Variants in KPNB1 observed in about 807,000 individuals in gnomAD.
The protein encoded by KPNB1 is karyopherin subunit beta 1, also known as importin subunit beta-1.
A neutral mutation model predicts 113.0 loss-of-function variants in KPNB1; 7 were observed. The observed-to-expected ratio is 0.06, with a 90% CI of 0.04 to 0.12. The LOEUF is 0.12. Ranked by LOEUF, KPNB1 falls within the 10% of genes least tolerant of loss-of-function variation. The pLI is 1.00. For synonymous variants in KPNB1, 363 were observed against 378.6 expected (o/e 0.96, Z 0.48); for missense variants, 400 against 1,054.8 (o/e 0.38, Z 8.60).
At chr17:47,664,909 T>C (rs1338176038) in intron 8 of KPNB1, 148 bp from the exon 9 acceptor site, 2 of 642,632 alleles carry the variant, frequency 3.1e-6, no homozygotes. Flanking sequence ...ACCAAAAAAT[T>C]AGCACTTTCC....
chr17:47,682,109 T>A (rs1470793013), intron 21 of KPNB1, among the ~76,000 whole-genome samples: 1 of 152,214 alleles, frequency 6.6e-6, no homozygotes, highest in Non-Finnish European at 1.5e-5. Flanking sequence ...GATTAAAGGC[T>A]TGAGCCACTG....
rs1383422025 is a variant in KPNB1 at position 47,682,386 on chromosome 17, T to C, written c.*-18T>C. 8 of 780,930 alleles carry C rather than the reference T, an allele frequency of 1.0e-5. No individual in the cohort carries two copies. The highest frequency in any genetic ancestry group is 2.3e-4 in the Middle Eastern group (1 of 4,432). 48.4% of individuals were successfully genotyped at this position (780,930 alleles called of 1,614,324 possible). ...TATGTGATCTCAAAGATTGACCTTT[T>C]TTTCCATCTGTTTTCAGATCTGTTA... On this transcript the variant is annotated intron_variant, in intron 21 of 21. Transcript: ENST00000290158.
intron 12 of KPNB1, 96 bp from the exon 13 acceptor site, chr17:47,672,922 C>T: frequency 8.6e-7 from 1 of 1,163,828 alleles, no homozygotes; most frequent in Admixed American, 2.5e-5. Flanking sequence ...TGCAGACATA[C>T]CGGTTCCTGA....
At chr17:47,677,191 A>C (rs1272098920) in intron 17 of KPNB1, 64 bp downstream of exon 17, 2 of 1,202,050 alleles carry the variant, frequency 1.7e-6, no homozygotes, top group African/African-American at 6.1e-5. Context: ...TTGGAAAGAT[A>C]GTTAAATATC....
intron 20 of KPNB1, among the ~76,000 whole-genome samples, 181 bp from the exon 21 acceptor site, chr17:47,680,327 G>A (rs1029100079): frequency 6.6e-6 from 1 of 152,176 alleles, no homozygotes; most frequent in African/African-American, 2.4e-5. Context: ...CAAGGTGTCT[G>A]TATTACACCC....
In KPNB1 at chr17:47,650,198, G is replaced by T; in HGVS notation, c.-47G>T. On this transcript the variant is annotated 5_prime_UTR_variant, in exon 1 of 22. Coordinates refer to ENST00000290158, the MANE Select transcript of KPNB1 (RefSeq NM_002265.6). ...CCCAGTTCGAGCCGCCGCCCGAAAG[G>T]CCGGGCCGTCGTCTTAGGAGGAGTC... 3 of 1,305,072 alleles carry T rather than the reference G, an allele frequency of 2.3e-6. No individual in the cohort carries two copies. The highest frequency in any genetic ancestry group is 3.0e-6 in the Non-Finnish European group (3 of 1,004,654). 80.8% of individuals were successfully genotyped at this position (1,305,072 alleles called of 1,614,324 possible). A position where few individuals can be genotyped will look rare whatever the true frequency, so the allele number is the denominator to read the frequency against.
Position 47,678,243 on chromosome 17 carries a change from C to T in KPNB1, c.2247+54C>T, listed in dbSNP as rs1257118620. 7 of 1,611,460 alleles carry T rather than the reference C, an allele frequency of 4.3e-6. No individual in the cohort carries two copies. The Admixed American group carries it at 1.0e-4, about 23-fold the overall frequency. ...TTAAGTCTAGCTCTAATTGGAGGGA[C>T]TATTGACAAACATGCAGCTAAAAGT... is the stretch of plus-strand genomic sequence containing the variant. On this transcript the variant is annotated intron_variant, in intron 18 of 21. Transcript: ENST00000290158.
chr17:47,680,393 G>T, intron 20 of KPNB1, 115 bp from the exon 21 acceptor site: 1 of 1,240,900 alleles, frequency 8.1e-7, no homozygotes, highest in Admixed American at 2.2e-5. Context: ...TCTACTGAGG[G>T]TTTTATTTAT....
intron 3 of KPNB1, among the ~76,000 whole-genome samples, chr17:47,656,259 CA>C (rs11343864): frequency 0.52 from 76,449 of 147,832 alleles, 19,869 homozygotes; most frequent in East Asian, 0.66. Flanking sequence ...GACTTTGTCT[CA>C]AAAAAAAAAA....
chr17:47,652,921 A>AT, intron 3 of KPNB1, 45 bp downstream of exon 3: 1 of 1,435,026 alleles, frequency 7.0e-7, no homozygotes, highest in East Asian at 2.4e-5. Context: ...AGAGAACAAG[A>AT]AATCGCTTTC....
intron 3 of KPNB1, among the ~76,000 whole-genome samples, chr17:47,655,391 A>G (rs751686610): frequency 2.0e-5 from 3 of 152,224 alleles, no homozygotes; most frequent in Non-Finnish European, 4.4e-5. Flanking sequence ...TGTCAGTGAT[A>G]GAACAGTTCT....
chr17:47,684,318 A>G lies in KPNB1; in HGVS notation c.*1914A>G, dbSNP rs1217270571. On this transcript the variant is annotated 3_prime_UTR_variant, in exon 22 of 22. Coordinates refer to ENST00000290158, the MANE Select transcript of KPNB1 (RefSeq NM_002265.6). ...ATTGTGCCTTTTGGTGCCAGGTTCA[A>G]AGTCAAGTGCCGATCTATGAACCAG... The G allele has an allele frequency of 6.6e-6, 1 of 151,978 alleles. No individual in the cohort carries two copies. The highest frequency in any genetic ancestry group is 2.4e-5 in the African/African-American group (1 of 41,336). The allele number at this position is 151,978 out of a possible 1,614,324, so 9.4% of individuals were successfully genotyped here.
At position 47,676,464 on chromosome 17, in the gene KPNB1, T is replaced by G. The variant is rs750770895; in HGVS notation, c.1968T>G (p.Ile656Met). The G allele has an allele frequency of 6.2e-7, 1 of 1,613,208 alleles. No homozygotes were observed. Among genetic ancestry groups the G allele is most frequent in the Non-Finnish European group, 8.5e-7 (1 of 1,179,292 alleles). ...YMEAFKPFLG[I>M]GLKNYAEYQV... ...AGGCCTTTAAACCCTTCCTGGGCAT[T>G]GGATTAAAAAATTATGCTGAATACC... The change falls in exon 16 of 22, where the codon ATT (isoleucine) becomes ATG (methionine). Residue 656 changes from isoleucine (I) to methionine (M), a missense_variant. Physicochemically the swap from Ile to Met is conservative, Grantham distance 10. Around this residue, in one of 2 missense-constraint regions of KPNB1, gnomAD observed 115 missense variants for 427.9 expected, o/e 0.27. Coordinates refer to ENST00000290158, the MANE Select transcript of KPNB1 (RefSeq NM_002265.6).
At chr17:47,681,663 C>T (rs1210453294) in intron 21 of KPNB1, among the ~76,000 whole-genome samples, 1 of 149,882 alleles carries the variant, frequency 6.7e-6, no homozygotes, top group East Asian at 1.9e-4. Context: ...CCACCTCAGC[C>T]TCCTAAATTG....
intron 11 of KPNB1, among the ~76,000 whole-genome samples, chr17:47,670,147 G>C (rs180750423): frequency 6.6e-6 from 1 of 152,272 alleles, no homozygotes; most frequent in East Asian, 1.9e-4. Context: ...TTGGGGACAA[G>C]AAGTTTTGAT....
chr17:47,661,236 CTAATA>C, intron 6 of KPNB1, 58 bp downstream of exon 6: 1 of 1,259,836 alleles, frequency 7.9e-7, no homozygotes, highest in South Asian at 1.2e-5. Context: ...AATGTCAAAT[CTAATA>C]TAAGTTTGAA....
Position 47,677,270 on chromosome 17 carries a change from A to G in KPNB1, c.2103+143A>G, listed in dbSNP as rs2030640908. 2.1e-5 allele frequency: 13 copies of G among 633,460 alleles called. No homozygotes were observed. In the South Asian group the frequency reaches 2.4e-4, roughly 12 times the overall value. 39.2% of individuals were successfully genotyped at this position (633,460 alleles called of 1,614,324 possible). A position where few individuals can be genotyped will look rare whatever the true frequency, so the allele number is the denominator to read the frequency against. On this transcript the variant is annotated intron_variant, in intron 17 of 21. Transcript: ENST00000290158. ...GGCCGAGGCAGGCCAGGAGTTCGAG[A>G]CCAACCTGGACAACATGGTGAAACC...
At chr17:47,658,427 A>G (rs1299462380) in intron 4 of KPNB1, 81 bp from the exon 5 acceptor site, 5 of 1,431,932 alleles carry the variant, frequency 3.5e-6, no homozygotes, top group Admixed American at 2.1e-5. Flanking sequence ...TTCAATCCAT[A>G]GTTGTTTGAA....
At chr17:47,677,496 A>G (rs1432285522) in intron 17 of KPNB1, among the ~76,000 whole-genome samples, 1 of 150,264 alleles carries the variant, frequency 6.7e-6, no homozygotes, top group South Asian at 2.1e-4. Context: ...AAAAAAAAAA[A>G]TCAGTGACAG....
Sources: allele counts gnomAD v4.1 joint callset (sites outside exome capture counted in the v4.1 genomes callset), GRCh38; gene constraint gnomAD v4.1.1; regional missense constraint gnomAD v4.1.1; transcripts MANE v1.5; gene names NCBI Gene and HGNC (gene_info 2026-07-23, HGNC 2026-07-21).